OR6A2: variants seen among roughly 807,000 people sequenced by gnomAD.
OR6A2 encodes the protein olfactory receptor 6A2.
Under a neutral mutation model 7.1 loss-of-function variants are expected in OR6A2, and 6 were observed. The observed-to-expected ratio is 0.85, with a 90% CI of 0.46 to 1.68. The LOEUF (loss-of-function observed/expected upper bound fraction) is 1.68. Ranked by LOEUF, OR6A2 falls within the 40% of genes most tolerant of loss-of-function variation. The pLI is 0.01. For synonymous variants in OR6A2, 162 were observed against 152.1 expected, an observed-to-expected ratio of 1.06 and a Z score of -0.48; for missense variants, 431 against 398.0, an observed-to-expected ratio of 1.08 and a Z score of -0.71.
Position 6,794,659 on chromosome 11 carries a change from A to G in OR6A2, c.*66T>C, listed in dbSNP as rs1847723852. 7.1e-6 allele frequency: 11 copies of G among 1,560,034 alleles called. No homozygotes were observed. Among genetic ancestry groups the G allele is most frequent in the Non-Finnish European group, 9.5e-6 (11 of 1,152,076 alleles). On this transcript the variant is annotated 3_prime_UTR_variant, in exon 2 of 2. Transcript: ENST00000641196. ...CCCCAATTTAGGCCCTAAGAACTCC[A>G]CTGGACTTCATAGAACACATTGATC...
rs1847740468 is a variant in OR6A2, at chr11:6,795,598, C to T, written c.111G>A (p.Val37=). The change falls in exon 2 of 2, where the codon GTG becomes GTA. Residue 37 remains valine (V), a synonymous_variant. Transcript: ENST00000641196. ...LLFALLLLAY[V]LVLTENTLII... ...TGAGTGTGTTCTCAGTCAGCACCAA[C>T]ACATAGGCCAGCAGCAAAAGGGCAA... is the stretch of plus-strand genomic sequence containing the variant. The T allele has an allele frequency of 6.2e-7, 1 of 1,614,068 alleles. No individual in the cohort carries two copies. Among genetic ancestry groups the T allele is most frequent in the Admixed American group, 1.7e-5 (1 of 59,994 alleles).
At chr11:6,799,277 A>G (rs1847777742) in intron 1 of OR6A2, among the ~76,000 whole-genome samples, 1 of 152,196 alleles carries the variant, frequency 6.6e-6, no homozygotes, top group African/African-American at 2.4e-5. Context: ...TGTTGAAAGG[A>G]TAGACTGGAA....
rs1415364751 is a variant in OR6A2 at position 6,793,681 on chromosome 11, CAT to C, written c.*1042_*1043del. 2 of 152,080 alleles carry C rather than the reference CAT, an allele frequency of 1.3e-5. No homozygotes were observed. Among genetic ancestry groups the C allele is most frequent in the African/African-American group, 4.8e-5 (2 of 41,394 alleles). The allele number at this position is 152,080 out of a possible 1,614,324, so 9.4% of individuals were successfully genotyped here. ...TGATATTTTTGATACTGTTATATAA[CAT>C]AATATTTTTATTAAGTTAGAAATAT... On this transcript the variant is annotated 3_prime_UTR_variant, in exon 2 of 2. Transcript: ENST00000641196.
In OR6A2 at chr11:6,795,444, A is replaced by G; in HGVS notation, c.265T>C (p.Ser89Pro). The G allele has an allele frequency of 6.2e-7, 1 of 1,614,128 alleles. No individual in the cohort carries two copies. Among genetic ancestry groups the G allele is most frequent in the Non-Finnish European group, 8.5e-7 (1 of 1,180,000 alleles). Residue 89 changes from serine to proline, a missense_variant, in exon 2 of 2, where the codon TCC becomes CCC. Physicochemically the swap from Ser to Pro is moderately conservative, Grantham distance 74. Coordinates refer to ENST00000641196, the MANE Select transcript of OR6A2 (RefSeq NM_003696.3). ...ATTAGCTGTCCATGATCCTGTTTGG[A>G]TCCAACAAAGCCAGCAAGCATCTTG... The part of the protein sequence containing the change: ...IPKMLAGFVG[S>P]KQDHGQLISF...
At chr11:6,796,153 GTTA>G (rs1847747509) in intron 1 of OR6A2, among the ~76,000 whole-genome samples, 1 of 152,158 alleles carries the variant, frequency 6.6e-6, no homozygotes, top group Non-Finnish European at 1.5e-5. Context: ...ACACAATTGA[GTTA>G]TTATTAGCAC....
Position 6,795,591 on chromosome 11 carries a change from G to T in OR6A2, c.118C>A (p.Leu40Met), listed in dbSNP as rs1847740376. 2 of 1,613,952 alleles carry T rather than the reference G, an allele frequency of 1.2e-6. No individual in the cohort carries two copies. Among genetic ancestry groups the T allele is most frequent in the Non-Finnish European group, 1.7e-6 (2 of 1,179,988 alleles). The part of the protein sequence containing the change: ...ALLLLAYVLV[L>M]TENTLIIMAI... ...ATAATGATGAGTGTGTTCTCAGTCA[G>T]CACCAACACATAGGCCAGCAGCAAA... Residue 40 changes from leucine (L) to methionine (M), a missense_variant, in exon 2 of 2, where the codon CTG becomes ATG. Physicochemically the swap from Leu to Met is conservative, Grantham distance 15. Coordinates refer to ENST00000641196, the MANE Select transcript of OR6A2 (RefSeq NM_003696.3).
chr11:6,797,157 C>T (rs533104200), intron 1 of OR6A2, among the ~76,000 whole-genome samples: 4 of 152,228 alleles, frequency 2.6e-5, no homozygotes, highest in African/African-American at 9.6e-5. Flanking sequence ...TACCTATGAC[C>T]CTGGCTTTCA....
chr11:6,793,126 A>C lies in OR6A2; in HGVS notation c.*1599T>G, dbSNP rs536334223. On this transcript the variant is annotated 3_prime_UTR_variant, in exon 2 of 2. Coordinates refer to ENST00000641196, the MANE Select transcript of OR6A2 (RefSeq NM_003696.3). ...CCCTGATCACAACCCCATTTCAGAA[A>C]CTTCTTCTACGGGGACACTTCGACA... The C allele has an allele frequency of 1.3e-5, 2 of 152,246 alleles. No individual in the cohort carries two copies. Among genetic ancestry groups the C allele is most frequent in the South Asian group, 4.1e-4 (2 of 4,822 alleles). The allele number at this position is 152,246 out of a possible 1,614,324, so 9.4% of individuals were successfully genotyped here. A position where few individuals can be genotyped will look rare whatever the true frequency, so the allele number is the denominator to read the frequency against.
intron 1 of OR6A2, 53 bp from the exon 2 acceptor site, chr11:6,795,937 G>C: frequency 2.0e-6 from 1 of 503,562 alleles, no homozygotes; most frequent in Non-Finnish European, 3.5e-6. Flanking sequence ...AACAAGATAG[G>C]AAGGAGTCTG....
rs914173485 is a variant in OR6A2, at chr11:6,794,629, C to A, written c.*96G>T. 3 of 1,482,346 alleles carry A rather than the reference C, an allele frequency of 2.0e-6. No individual in the cohort carries two copies. The highest frequency in any genetic ancestry group is 1.4e-5 in the African/African-American group (1 of 71,106). The allele number at this position is 1,482,346 out of a possible 1,614,324, so 91.8% of individuals were successfully genotyped here. The stretch of plus-strand genomic sequence containing the variant: ...GTTCCATAGTGATGCCTTTGAAACT[C>A]TGGCCCCCAATTTAGGCCCTAAGAA... On this transcript the variant is annotated 3_prime_UTR_variant, in exon 2 of 2. Coordinates refer to ENST00000641196, the MANE Select transcript of OR6A2 (RefSeq NM_003696.3).
At chr11:6,797,668 T>C (rs1847761422) in intron 1 of OR6A2, among the ~76,000 whole-genome samples, 1 of 152,206 alleles carries the variant, frequency 6.6e-6, no homozygotes, top group African/African-American at 2.4e-5. Context: ...CTGACCATTT[T>C]ACTCTCCTTA....
At position 6,792,203 on chromosome 11, in the gene OR6A2, T is replaced by G. The variant is rs551818032; in HGVS notation, c.*2522A>C. On this transcript the variant is annotated 3_prime_UTR_variant, in exon 2 of 2. Coordinates refer to ENST00000641196, the MANE Select transcript of OR6A2 (RefSeq NM_003696.3). ...ATTTTTGTTTCCTGATCCTGGTCAA[T>G]GTGATGTTTTAGCAAACAGTGAAAT... The G allele has an allele frequency of 4.0e-4, 61 of 152,328 alleles. No homozygotes were observed. Among genetic ancestry groups the G allele is most frequent in the African/African-American group, 1.4e-3 (60 of 41,564 alleles). 9.4% of individuals were successfully genotyped at this position (152,328 alleles called of 1,614,324 possible).
rs558446780 is a variant in OR6A2, at chr11:6,794,371, T to A, written c.*354A>T. 7 of 225,294 alleles carry A rather than the reference T, an allele frequency of 3.1e-5. No individual in the cohort carries two copies. The South Asian group carries it at 6.4e-4, about 20-fold the overall frequency. 14.0% of individuals were successfully genotyped at this position (225,294 alleles called of 1,614,324 possible). A position where few individuals can be genotyped will look rare whatever the true frequency, so the allele number is the denominator to read the frequency against. On this transcript the variant is annotated 3_prime_UTR_variant, in exon 2 of 2. Coordinates refer to ENST00000641196, the MANE Select transcript of OR6A2 (RefSeq NM_003696.3). ...TTGTAACACACGCTAGAATGATATC[T>A]CCTGGGCCTCTGCTACCTAATAGAG... is the stretch of plus-strand genomic sequence containing the variant.
At position 6,794,918 on chromosome 11, in the gene OR6A2, T is replaced by A. The variant is rs149089988; in HGVS notation, c.791A>T (p.Tyr264Phe). Residue 264 changes from tyrosine to phenylalanine, a missense_variant, in exon 2 of 2, where the codon TAT becomes TTT. Coordinates refer to ENST00000641196, the MANE Select transcript of OR6A2 (RefSeq NM_003696.3). ...AGCTGAGAGTGCCTTTGGCCGAGCA[T>A]AGATGAAGATACTGGCTGCATAGAA... The part of the protein sequence containing the change: ...IIFYAASIFI[Y>F]ARPKALSAFD... 1.7e-4 allele frequency: 273 copies of A among 1,613,878 alleles called. No individual in the cohort carries two copies. Among genetic ancestry groups the A allele is most frequent in the African/African-American group, 1.5e-4 (11 of 74,884 alleles).
rs139331303 is a variant in OR6A2, at chr11:6,794,840, A to C, written c.869T>G (p.Leu290Arg). ...GCGCAGGCAGTAAATGATGGGATTG[A>C]GCAATGGTACAATGACAGCATACAG... ...SVLYAVIVPL[L>R]NPIIYCLRNQ... The change falls in exon 2 of 2, where the codon CTC becomes CGC. Residue 290 changes from leucine (L) to arginine (R), a missense_variant. Transcript: ENST00000641196. 8 of 1,614,136 alleles carry C rather than the reference A, an allele frequency of 5.0e-6. No homozygotes were observed. The African/African-American group carries it at 1.1e-4, about 22-fold the overall frequency.
intron 1 of OR6A2, among the ~76,000 whole-genome samples, chr11:6,798,061 T>C (rs759260709): frequency 7.2e-5 from 11 of 152,152 alleles, no homozygotes; most frequent in Non-Finnish European, 1.6e-4. Flanking sequence ...GCTTGCTACA[T>C]CCCTGCAGCT....
chr11:6,792,746 C>T lies in OR6A2; in HGVS notation c.*1979G>A, dbSNP rs868766471. On this transcript the variant is annotated 3_prime_UTR_variant, in exon 2 of 2. Transcript: ENST00000641196. ...GGGATACTTAATCTGATAATCAATA[C>T]TTCACATGAAAAAGTTTACAAAGTT... 3 of 152,160 alleles carry T rather than the reference C, an allele frequency of 2.0e-5. No individual in the cohort carries two copies. Among genetic ancestry groups the T allele is most frequent in the Non-Finnish European group, 4.4e-5 (3 of 68,020 alleles). 9.4% of individuals were successfully genotyped at this position (152,160 alleles called of 1,614,324 possible).
At position 6,792,804 on chromosome 11, in the gene OR6A2, G is replaced by T. The variant is rs1268503774; in HGVS notation, c.*1921C>A. 1 of 152,070 alleles carries T rather than the reference G, an allele frequency of 6.6e-6. No individual in the cohort carries two copies. Among genetic ancestry groups the T allele is most frequent in the African/African-American group, 2.4e-5 (1 of 41,414 alleles). 9.4% of individuals were successfully genotyped at this position (152,070 alleles called of 1,614,324 possible). A position where few individuals can be genotyped will look rare whatever the true frequency, so the allele number is the denominator to read the frequency against. On this transcript the variant is annotated 3_prime_UTR_variant, in exon 2 of 2. Transcript: ENST00000641196. Reference sequence around the variant, plus strand: ...CTCAATTTCAATATGAGTCCTGAGGGTCATATGTTCACTAAAAATTCAGTC... The same window carrying T: ...CTCAATTTCAATATGAGTCCTGAGGTTCATATGTTCACTAAAAATTCAGTC...
intron 1 of OR6A2, among the ~76,000 whole-genome samples, chr11:6,797,962 T>G (rs1379349858): frequency 6.6e-6 from 1 of 152,220 alleles, no homozygotes; most frequent in African/African-American, 2.4e-5. Flanking sequence ...TAGGTACTTT[T>G]TTTTTTTAAA....
Sources: allele counts gnomAD v4.1 joint callset (sites outside exome capture counted in the v4.1 genomes callset), GRCh38; gene constraint gnomAD v4.1.1; transcripts MANE v1.5; gene names NCBI Gene and HGNC (gene_info 2026-07-23, HGNC 2026-07-21).